IFT52: variants seen among roughly 807,000 people sequenced by gnomAD.
IFT52 encodes intraflagellar transport protein 52 homolog.
A neutral mutation model predicts 54.4 loss-of-function variants in IFT52; 44 were observed. The observed-to-expected ratio is 0.81, with a 90% CI of 0.63 to 1.04. The LOEUF is 1.04. Ranked by LOEUF, IFT52 falls within the 50% of genes least tolerant of loss-of-function variation. The pLI is 0.00. For synonymous variants in IFT52, 181 were observed against 185.3 expected (o/e 0.98, Z 0.19); for missense variants, 452 against 523.6 (o/e 0.86, Z 1.33).
At chr20:43,628,848 C>G (rs1984947020) in intron 10 of IFT52, among the ~76,000 whole-genome samples, 1 of 88,686 alleles carries the variant, frequency 1.1e-5, no homozygotes, top group Non-Finnish European at 2.5e-5. Flanking sequence ...GAGCGAGACT[C>G]CATCTCAAAA....
chr20:43,641,694 C>T (rs113761611), intron 12 of IFT52, among the ~76,000 whole-genome samples: 10,954 of 151,618 alleles, frequency 0.072, 1,209 homozygotes, highest in African/African-American at 0.23. Flanking sequence ...CAGGGTTTCA[C>T]CATGCTGGCC....
intron 10 of IFT52, among the ~76,000 whole-genome samples, chr20:43,627,164 C>G (rs1342554783): frequency 2.7e-4 from 40 of 150,066 alleles, no homozygotes; most frequent in Non-Finnish European, 4.0e-4. Flanking sequence ...AAGACTCCAT[C>G]TCAGAAAAAA....
In IFT52 at chr20:43,608,779, G is replaced by A. The variant is rs921955105; in HGVS notation, c.485+3706G>A. ...AAATTTAGCCGGTCGTTGGTGGCTC[G>A]CACCTGTATTCCCAGCTACTCAGGA... On this transcript the variant is annotated intron_variant, in intron 6 of 13. Transcript: ENST00000373030. Among the ~76,000 whole-genome samples the A allele has an allele frequency of 3.9e-5, 6 of 152,090 alleles. No homozygotes were observed. The East Asian group carries it at 7.7e-4, about 20-fold the overall frequency.
Position 43,591,021 on chromosome 20 carries a change from C to A in IFT52, c.-40C>A, listed in dbSNP as rs1208037459. On this transcript the variant is annotated 5_prime_UTR_variant, in exon 1 of 14. Transcript: ENST00000373030. ...GGATACCTGGCCGCGGGATGCTGGG[C>A]GGCGTCAGGTGAGCGGTGGTCGCTG... 1.3e-5 allele frequency: 2 copies of A among 152,264 alleles called. No individual in the cohort carries two copies. The highest frequency in any genetic ancestry group is 2.4e-5 in the African/African-American group (1 of 41,468). 9.4% of individuals were successfully genotyped at this position (152,264 alleles called of 1,614,324 possible). A position where few individuals can be genotyped will look rare whatever the true frequency, so the allele number is the denominator to read the frequency against.
chr20:43,597,302 C>T (rs1243589951), intron 3 of IFT52, among the ~76,000 whole-genome samples: 3 of 149,652 alleles, frequency 2.0e-5, no homozygotes, highest in Admixed American at 6.7e-5. Context: ...ACCTGGGAGG[C>T]GGAGCTTGCT....
intron 11 of IFT52, among the ~76,000 whole-genome samples, chr20:43,636,334 G>C (rs1469487805): frequency 6.6e-6 from 1 of 152,194 alleles, no homozygotes; most frequent in Non-Finnish European, 1.5e-5. Context: ...TGCCATTCCA[G>C]GTGTCAGGGC....
chr20:43,591,738 C>A (rs1981537910), intron 1 of IFT52, among the ~76,000 whole-genome samples: 1 of 152,044 alleles, frequency 6.6e-6, no homozygotes, highest in Non-Finnish European at 1.5e-5. Flanking sequence ...AAAGGTATAG[C>A]AATTAAACTA....
rs1365962812 is a variant in IFT52, at chr20:43,595,936, T to C, written c.120-499T>C. Among the ~76,000 whole-genome samples the C allele has an allele frequency of 3.9e-5, 6 of 152,310 alleles. No individual in the cohort carries two copies. In the East Asian group the frequency reaches 1.2e-3, roughly 29 times the overall value. On this transcript the variant is annotated intron_variant, in intron 2 of 13. Coordinates refer to ENST00000373030, the MANE Select transcript of IFT52 (RefSeq NM_016004.5). Reference sequence around the variant, plus strand: ...CTTTCGAAATCAGCAATTAGGATATTATTAAAGCAGCATATTATTAAGTTG... The same window carrying C: ...CTTTCGAAATCAGCAATTAGGATATCATTAAAGCAGCATATTATTAAGTTG...
At chr20:43,633,698 ACT>A (rs1173484920) in intron 10 of IFT52, among the ~76,000 whole-genome samples, 2 of 151,398 alleles carry the variant, frequency 1.3e-5, no homozygotes, top group Admixed American at 6.6e-5. Context: ...ACAGAGTGAG[ACT>A]CTGTCTCAAA....
At chr20:43,604,722 T>C (rs1346353162) in intron 5 of IFT52, among the ~76,000 whole-genome samples, 2 of 152,206 alleles carry the variant, frequency 1.3e-5, no homozygotes, top group Non-Finnish European at 1.5e-5. Flanking sequence ...TATTTTACTA[T>C]ATTACTACTA....
chr20:43,604,724 TTAC>T (rs1982722196), intron 5 of IFT52, among the ~76,000 whole-genome samples: 1 of 152,178 alleles, frequency 6.6e-6, no homozygotes, highest in Non-Finnish European at 1.5e-5. Context: ...TTTTACTATA[TTAC>T]TACTACTCAT....
chr20:43,646,109 G>T, intron 13 of IFT52, among the ~76,000 whole-genome samples: 1 of 151,706 alleles, frequency 6.6e-6, no homozygotes, highest in Non-Finnish European at 1.5e-5. Context: ...TACTCGGGAG[G>T]CTGGGGCAGG....
intron 6 of IFT52, 76 bp downstream of exon 6, chr20:43,605,149 T>C (rs1421076726): frequency 6.4e-7 from 1 of 1,567,516 alleles, no homozygotes; most frequent in Admixed American, 2.1e-5. Flanking sequence ...AAAAGAGCTT[T>C]TGTTTCTGGT....
intron 7 of IFT52, among the ~76,000 whole-genome samples, chr20:43,618,505 G>A (rs928340185): frequency 2.2e-4 from 33 of 151,160 alleles, no homozygotes; most frequent in Non-Finnish European, 3.8e-4. Context: ...TTTTTGAGAT[G>A]GAGTCTCGCT....
chr20:43,640,197 C>G (rs1045925869), intron 12 of IFT52, among the ~76,000 whole-genome samples: 6 of 152,166 alleles, frequency 3.9e-5, no homozygotes, highest in Non-Finnish European at 8.8e-5. Context: ...TGGCTCATGC[C>G]TGTAATCCCA....
chr20:43,598,904 G>C (rs1414371169), intron 3 of IFT52, among the ~76,000 whole-genome samples: 1 of 152,060 alleles, frequency 6.6e-6, no homozygotes, highest in Admixed American at 6.6e-5. Context: ...GGCCAATGTG[G>C]TCCTTAGATT....
intron 7 of IFT52, among the ~76,000 whole-genome samples, chr20:43,615,817 C>T (rs974745935): frequency 1.3e-5 from 2 of 152,128 alleles, no homozygotes; most frequent in Non-Finnish European, 2.9e-5. Flanking sequence ...TGGCACGCGC[C>T]TGTAATCCCA....
intron 6 of IFT52, chr20:43,605,285 C>A: frequency 1.6e-6 from 2 of 1,245,454 alleles, no homozygotes; most frequent in Non-Finnish European, 1.0e-6. Context: ...GTGGCTCACG[C>A]CTGTAATCCT....
At chr20:43,612,824 A>G (rs1371749871) in intron 6 of IFT52, among the ~76,000 whole-genome samples, 1 of 152,186 alleles carries the variant, frequency 6.6e-6, no homozygotes, top group Non-Finnish European at 1.5e-5. Flanking sequence ...TGCTTCCCCT[A>G]TACCCCCTCC....
Sources: gnomAD v4.1 joint callset for allele counts (sites outside exome capture counted in the v4.1 genomes callset) on GRCh38, gnomAD v4.1.1 for gene constraint, MANE v1.5 for transcripts, NCBI Gene and HGNC (gene_info 2026-07-23, HGNC 2026-07-21) for gene names.